TMEM132C: variants seen among roughly 807,000 people sequenced by gnomAD.
The protein encoded by TMEM132C is protein phosphatase 1, regulatory subunit 152.
Under a neutral mutation model 61.4 loss-of-function variants are expected in TMEM132C, and 29 were observed. The ratio of observed to expected loss-of-function variants is 0.47; its 90% CI spans 0.35 to 0.64. The LOEUF (loss-of-function observed/expected upper bound fraction) is 0.64, where lower values mean the gene tolerates loss of function less well. Among genes scored for constraint, TMEM132C ranks in the 30% least tolerant of loss-of-function variants. The pLI is 0.00. For synonymous variants in TMEM132C, 656 were observed against 633.1 expected, an observed-to-expected ratio of 1.04 and a Z score of -0.54; for missense variants, 1,408 against 1,476.9, an observed-to-expected ratio of 0.95 and a Z score of 0.76.
rs1465923940 is a variant in TMEM132C, at chr12:128,596,483, C to T, written c.1122-19669C>T. ...GGCTTCACTGATCCCATGTTCTCTC[C>T]GTCACACTGGGCTGCCCCTTTTGCA... On this transcript the variant is annotated intron_variant, in intron 3 of 8. Transcript: ENST00000435159. Among the ~76,000 whole-genome samples the T allele has an allele frequency of 3.4e-5, 5 of 145,816 alleles. No homozygotes were observed. In the East Asian group the frequency reaches 8.4e-4, roughly 24 times the overall value.
rs139927627 is a variant in TMEM132C, at chr12:128,508,156, G to A, written c.975-35801G>A. On this transcript the variant is annotated intron_variant, in intron 2 of 8. Transcript: ENST00000435159. ...CTCACAGTTCCACATGGCTGGGGAG[G>A]CCTCACGATCATGGCAGAAGGCGAT... Among the ~76,000 whole-genome samples the A allele has an allele frequency of 2.7e-3, 406 of 152,284 alleles. 2 individuals are homozygous for A. Among genetic ancestry groups the A allele is most frequent in the African/African-American group, 9.1e-3 (379 of 41,550 alleles).
At chr12:128,360,191 A>C (rs185161443) in intron 1 of TMEM132C, among the ~76,000 whole-genome samples, 19 of 152,144 alleles carry the variant, frequency 1.2e-4, no homozygotes, top group Admixed American at 3.3e-4. Flanking sequence ...CTAATAGAAG[A>C]ATCAAATGCG....
At chr12:128,423,700 T>A (rs1869072135) in intron 2 of TMEM132C, among the ~76,000 whole-genome samples, 1 of 151,384 alleles carries the variant, frequency 6.6e-6, no homozygotes, top group Non-Finnish European at 1.5e-5. Context: ...CGAGACCCTG[T>A]CTCTTAAAAA....
At chr12:128,493,588 A>G (rs1175070561) in intron 2 of TMEM132C, among the ~76,000 whole-genome samples, 2 of 152,098 alleles carry the variant, frequency 1.3e-5, no homozygotes, top group East Asian at 1.9e-4. Flanking sequence ...TTGGATTCCT[A>G]GGTATTTTAT....
chr12:128,437,717 C>G (rs1196642823), intron 2 of TMEM132C: 1 of 152,138 alleles, frequency 6.6e-6, no homozygotes, highest in Admixed American at 6.6e-5. Flanking sequence ...TAAGTTATGT[C>G]TTTTCTTAAT....
intron 1 of TMEM132C, among the ~76,000 whole-genome samples, chr12:128,289,497 A>T (rs1248546149): frequency 2.0e-5 from 3 of 152,224 alleles, no homozygotes; most frequent in Non-Finnish European, 4.4e-5. Flanking sequence ...GTTTTCTCCA[A>T]GAACACGGCG....
chr12:128,281,166 G>C (rs749453541), intron 1 of TMEM132C, among the ~76,000 whole-genome samples: 2 of 152,154 alleles, frequency 1.3e-5, no homozygotes, highest in Non-Finnish European at 2.9e-5. Flanking sequence ...TGTCATACTT[G>C]CCTGAAACCA....
intron 4 of TMEM132C, among the ~76,000 whole-genome samples, chr12:128,663,851 C>T (rs997538342): frequency 2.6e-5 from 4 of 151,842 alleles, no homozygotes; most frequent in African/African-American, 4.8e-5. Flanking sequence ...CATGCACGCA[C>T]GCAGGCACTC....
At chr12:128,621,019 C>T (rs189811959) in intron 4 of TMEM132C, among the ~76,000 whole-genome samples, 23 of 152,138 alleles carry the variant, frequency 1.5e-4, no homozygotes, top group Non-Finnish European at 1.0e-4. Context: ...ATGAAGCACG[C>T]CACTAGAAAG....
intron 1 of TMEM132C, among the ~76,000 whole-genome samples, chr12:128,364,274 CCT>C (rs1873794477): frequency 6.7e-6 from 1 of 150,262 alleles, no homozygotes; most frequent in Non-Finnish European, 1.5e-5. Flanking sequence ...CTCACCCCTC[CCT>C]CTCTCCCCCT....
intron 1 of TMEM132C, among the ~76,000 whole-genome samples, chr12:128,308,350 G>GT (rs34450530): frequency 0.016 from 2,340 of 149,920 alleles, 61 homozygotes; most frequent in African/African-American, 0.054. Flanking sequence ...CCCTTGGCCA[G>GT]TTTTTTTTTT....
In TMEM132C at chr12:128,568,959, T is replaced by C. The variant is rs151306334; in HGVS notation, c.1121+24856T>C. Among the ~76,000 whole-genome samples the C allele has an allele frequency of 1.9e-3, 287 of 152,346 alleles. 2 individuals are homozygous for C. The highest frequency in any genetic ancestry group is 3.2e-3 in the Non-Finnish European group (217 of 68,032). On this transcript the variant is annotated intron_variant, in intron 3 of 8. Transcript: ENST00000435159. Reference sequence around the variant, plus strand: ...CCTTCTCTGCGCTGGGCACTCACTCTTCTAGGACTGAGTGACGGAAGAGAC... The same window carrying C: ...CCTTCTCTGCGCTGGGCACTCACTCCTCTAGGACTGAGTGACGGAAGAGAC...
At chr12:128,600,230 C>T (rs1456920785) in intron 3 of TMEM132C, among the ~76,000 whole-genome samples, 1 of 152,158 alleles carries the variant, frequency 6.6e-6, no homozygotes, top group African/African-American at 2.4e-5. Flanking sequence ...GATCTGCCCA[C>T]CTCGGCCTCC....
chr12:128,637,086 T>C (rs1458920575), intron 4 of TMEM132C, among the ~76,000 whole-genome samples: 3 of 152,228 alleles, frequency 2.0e-5, no homozygotes, highest in African/African-American at 7.2e-5. Context: ...AGATAACTCT[T>C]CTACATACTG....
intron 2 of TMEM132C, among the ~76,000 whole-genome samples, chr12:128,427,922 G>A (rs2136035160): frequency 6.6e-6 from 1 of 152,338 alleles, no homozygotes; most frequent in South Asian, 2.1e-4. Flanking sequence ...TTTAAAAGCA[G>A]AATTTGCTAG....
chr12:128,365,743 G>C (rs537716592), intron 1 of TMEM132C, among the ~76,000 whole-genome samples: 1 of 152,124 alleles, frequency 6.6e-6, no homozygotes, highest in African/African-American at 2.4e-5. Flanking sequence ...CCCCACAGTT[G>C]TGCTCCGAAT....
At chr12:128,314,072 A>G (rs1277794941) in intron 1 of TMEM132C, among the ~76,000 whole-genome samples, 1 of 152,198 alleles carries the variant, frequency 6.6e-6, no homozygotes, top group East Asian at 1.9e-4. Context: ...CCTGGGAGAC[A>G]CTTGAATTTG....
At chr12:128,617,464 A>G (rs1408746727) in intron 4 of TMEM132C, among the ~76,000 whole-genome samples, 1 of 152,216 alleles carries the variant, frequency 6.6e-6, no homozygotes, top group Non-Finnish European at 1.5e-5. Context: ...TGAAATCAAA[A>G]GGATGTGTTG....
In TMEM132C at chr12:128,696,151, G is replaced by A; in HGVS notation, c.1929+48G>A. On this transcript the variant is annotated intron_variant, in intron 7 of 8. Coordinates refer to ENST00000435159, the MANE Select transcript of TMEM132C (RefSeq NM_001136103.3). ...GTCCCCAGCACTGGGCATGTGTGCA[G>A]TGTTGAGGGAGAGTCAATGGGTGGG... is the stretch of plus-strand genomic sequence containing the variant. 4 of 1,527,434 alleles carry A rather than the reference G, an allele frequency of 2.6e-6. No individual in the cohort carries two copies. In the South Asian group the frequency reaches 5.0e-5, roughly 19 times the overall value. 94.6% of individuals were successfully genotyped at this position (1,527,434 alleles called of 1,614,324 possible). A position where few individuals can be genotyped will look rare whatever the true frequency, so the allele number is the denominator to read the frequency against.
Sources: allele counts gnomAD v4.1 joint callset (sites outside exome capture counted in the v4.1 genomes callset), GRCh38; gene constraint gnomAD v4.1.1; transcripts MANE v1.5; gene names NCBI Gene and HGNC (gene_info 2026-07-23, HGNC 2026-07-21).